ABCA2: variants seen among roughly 807,000 people sequenced by gnomAD.
ABCA2 encodes the protein ATP binding cassette subfamily A member 2, also known as ATP-binding cassette sub-family A member 2.
In ABCA2, 84 loss-of-function variants were observed where a neutral mutation model predicts 262.8. The ratio of observed to expected loss-of-function variants is 0.32; its 90% confidence interval spans 0.27 to 0.38. The LOEUF (loss-of-function observed/expected upper bound fraction) is 0.38. ABCA2 is among the 10% of genes least tolerant of loss of function. The pLI is 1.00. For missense variants in ABCA2, 2,662 were observed against 3,405.9 expected, an observed-to-expected ratio of 0.78 and a Z score of 5.44; for synonymous variants, 1,696 against 1,502.9, an observed-to-expected ratio of 1.13 and a Z score of -2.97.
In ABCA2 at chr9:137,010,058, G is replaced by T; in HGVS notation, c.6420C>A (p.Phe2140Leu). 1 of 1,601,286 alleles carries T rather than the reference G, an allele frequency of 6.2e-7. No individual in the cohort carries two copies. The change falls in exon 42 of 49, where the codon TTC (phenylalanine) becomes TTA (leucine). Residue 2140 changes from phenylalanine (F) to leucine (L), a missense_variant. This residue lies in a region of ABCA2 where 602 missense variants were observed against 897.4 expected (regional missense o/e 0.67). Transcript: ENST00000341511. The part of the protein sequence containing the change: ...LGYCPQCDAL[F>L]DELTAREHLQ... ...GGTGCTCCCGGGCCGTGAGCTCGTC[G>T]AACAGCGCGTCACACTGCGGGCAGT... is the stretch of plus-strand genomic sequence containing the variant.
intron 30 of ABCA2, 29 bp downstream of exon 30, chr9:137,012,973 C>A (rs1255105795): frequency 6.8e-7 from 1 of 1,479,200 alleles, no homozygotes; most frequent in Admixed American, 2.2e-5. Context: ...ACTGCCCCTG[C>A]CCCCCCAGCA....
intron 26 of ABCA2, 42 bp from the exon 27 acceptor site, chr9:137,014,446 G>A (rs1171365500): frequency 1.3e-6 from 2 of 1,535,752 alleles, no homozygotes; most frequent in Non-Finnish European, 1.8e-6. Context: ...AGGGCTACTG[G>A]CCCCTAGGCC....
In ABCA2 at chr9:137,014,372, C is replaced by G; in HGVS notation, c.4036G>C (p.Gly1346Arg). 1.3e-6 allele frequency: 2 copies of G among 1,596,032 alleles called. No homozygotes were observed. Among genetic ancestry groups the G allele is most frequent in the Non-Finnish European group, 1.7e-6 (2 of 1,171,916 alleles). ...VKESRKDVLP[G>R]AEGPASGEGH... ...TCCCCAGACGCCGGGCCCTCCGCCC[C>G]AGGGAGCACATCCTTCCTGGACTCC... The change falls in exon 27 of 49, where the codon GGG becomes CGG. Residue 1346 changes from glycine to arginine, a missense_variant. Transcript: ENST00000341511.
At chr9:137,022,038 G>GCTCAGATGGGGTGTGT in intron 6 of ABCA2, 37 bp from the exon 7 acceptor site, 1 of 1,400,832 alleles carries the variant, frequency 7.1e-7, no homozygotes, top group Non-Finnish European at 9.8e-7. Flanking sequence ...ATGGGGTGTG[G>GCTCAGATGGGGTGTGT]GGGGCGTGGC....
Position 137,008,446 on chromosome 9 carries a change from G to T in ABCA2, c.7245C>A (p.Asp2415Glu), listed in dbSNP as rs1279310964. The change falls in exon 48 of 49, where the codon GAC becomes GAA. Residue 2415 changes from aspartate (D) to glutamate (E), a missense_variant. Physicochemically the swap from Asp to Glu is conservative, Grantham distance 45. Coordinates refer to ENST00000341511, the MANE Select transcript of ABCA2 (RefSeq NM_001606.5). ...ADEPEDLDTE[D>E]EGLISFEEER... is the part of the protein sequence containing the mutation. ...CCTCCTCGAAGCTGATGAGGCCCTC[G>T]TCCTCCGTGTCCAGGTCCTCGGGCT... 1 of 1,555,180 alleles carries T rather than the reference G, an allele frequency of 6.4e-7. No individual in the cohort carries two copies. Among genetic ancestry groups the T allele is most frequent in the Non-Finnish European group, 8.7e-7 (1 of 1,149,894 alleles).
rs375045176 is a variant in ABCA2 at position 137,009,522 on chromosome 9, G to A, written c.6734+19C>T. On this transcript the variant is annotated intron_variant, in intron 44 of 48. Coordinates refer to ENST00000341511, the MANE Select transcript of ABCA2 (RefSeq NM_001606.5). The stretch of plus-strand genomic sequence containing the variant: ...TGCTGTGGGGTGGGGGCACAAAGAG[G>A]GGGTGGGGGCGCCCTCACCTGTGTG... 21 of 1,612,206 alleles carry A rather than the reference G, an allele frequency of 1.3e-5. No individual in the cohort carries two copies. Among genetic ancestry groups the A allele is most frequent in the Non-Finnish European group, 1.7e-5 (20 of 1,179,642 alleles).
chr9:137,027,031 C>T (rs899137285), intron 1 of ABCA2, among the ~76,000 whole-genome samples: 6 of 152,252 alleles, frequency 3.9e-5, no homozygotes, highest in African/African-American at 9.6e-5. Flanking sequence ...TCCTGCAGTG[C>T]ATGTTGAAAG....
chr9:137,014,063 C>A (rs1224392373), intron 27 of ABCA2, 25 bp from the exon 28 acceptor site: 3 of 1,604,974 alleles, frequency 1.9e-6, no homozygotes, highest in Non-Finnish European at 1.7e-6. Flanking sequence ...AGAGGCTGAG[C>A]AGGTGGTTGC....
intron 3 of ABCA2, 191 bp downstream of exon 3, chr9:137,023,647 G>C: frequency 1.5e-6 from 1 of 687,134 alleles, no homozygotes; most frequent in Non-Finnish European, 2.7e-6. Flanking sequence ...TAGGTGGCCG[G>C]GCCTTTCACT....
In ABCA2 at chr9:137,017,267, G is replaced by C; in HGVS notation, c.2482C>G (p.Pro828Ala). ...GGIIYFLSYV[P>A]YMYVAIREEV... ...TCTCGGATCGCCACGTACATGTAGG[G>C]CACGTAGCTCAGGAAGTAGATGATG... Residue 828 changes from proline to alanine, a missense_variant, in exon 18 of 49, where the codon CCC (proline) becomes GCC (alanine). This residue lies in a region of ABCA2 where 188 missense variants were observed against 343.4 expected (regional missense o/e 0.55). Transcript: ENST00000341511. The C allele has an allele frequency of 6.2e-7, 1 of 1,612,662 alleles. No individual in the cohort carries two copies. Among genetic ancestry groups the C allele is most frequent in the Non-Finnish European group, 8.5e-7 (1 of 1,179,912 alleles).
At position 137,021,277 on chromosome 9, in the gene ABCA2, C is replaced by T; in HGVS notation, c.897+115G>A. The T allele has an allele frequency of 1.5e-6, 2 of 1,373,628 alleles. No individual in the cohort carries two copies. The highest frequency in any genetic ancestry group is 2.2e-5 in the Admixed American group (1 of 45,920). The allele number at this position is 1,373,628 out of a possible 1,614,324, so 85.1% of individuals were successfully genotyped here. ...GTGCCATTGGATACCCACCCACAGG[C>T]AGCATCCCACGCACAGCCTGGGCCC... On this transcript the variant is annotated intron_variant, in intron 8 of 48. Transcript: ENST00000341511. The surrounding 1 kb of genome is among the most constrained non-coding windows in gnomAD (Gnocchi z 6.0).
Position 137,022,019 on chromosome 9 carries a change from A to ATGGCTCGGATGGGGGTG in ABCA2, c.568-19_568-18insCACCCCCATCCGAGCCA. Reference sequence around the variant, plus strand: ...TGGTAGACCTAGGAGGTGTGGGGGAATGGCTCAGATGGGGTGTGGGGGGCG... The same window carrying ATGGCTCGGATGGGGGTG: ...TGGTAGACCTAGGAGGTGTGGGGGAATGGCTCGGATGGGGGTGTGGCTCAGATGGGGTGTGGGGGGCG... On this transcript the variant is annotated intron_variant, in intron 6 of 48. Coordinates refer to ENST00000341511, the MANE Select transcript of ABCA2 (RefSeq NM_001606.5). 1 of 1,327,834 alleles carries ATGGCTCGGATGGGGGTG rather than the reference A, an allele frequency of 7.5e-7. No homozygotes were observed. Among genetic ancestry groups the ATGGCTCGGATGGGGGTG allele is most frequent in the Non-Finnish European group, 1.0e-6 (1 of 970,880 alleles). The allele number at this position is 1,327,834 out of a possible 1,614,324, so 82.3% of individuals were successfully genotyped here. A position where few individuals can be genotyped will look rare whatever the true frequency, so the allele number is the denominator to read the frequency against.
In ABCA2 at chr9:137,011,210, T is replaced by G; in HGVS notation, c.5899A>C (p.Ile1967Leu). ...CCAATCTTGGCGTAGTACTCGTTGA[T>G]GTACTCGTTGTAGGCCATCTCCATG... ...GLMEMAYNEY[I>L]NEYYAKIGQF... Residue 1967 changes from isoleucine to leucine, a missense_variant, in exon 38 of 49, where the codon ATC becomes CTC. By Grantham distance (5) the Ile-to-Leu change is conservative. Coordinates refer to ENST00000341511, the MANE Select transcript of ABCA2 (RefSeq NM_001606.5). This position sits in a 1 kb window ranked among gnomAD's most constrained non-coding sequence, Gnocchi z 8.8. The G allele has an allele frequency of 6.2e-7, 1 of 1,612,534 alleles. No homozygotes were observed. Among genetic ancestry groups the G allele is most frequent in the African/African-American group, 1.3e-5 (1 of 74,998 alleles).
chr9:137,021,648 GA>G lies in ABCA2; in HGVS notation c.679-39del, dbSNP rs759263839. 11 of 1,533,310 alleles carry G rather than the reference GA, an allele frequency of 7.2e-6. No homozygotes were observed. In the South Asian group the frequency reaches 1.3e-4, roughly 18 times the overall value. The allele number at this position is 1,533,310 out of a possible 1,614,324, so 95.0% of individuals were successfully genotyped here. A position where few individuals can be genotyped will look rare whatever the true frequency, so the allele number is the denominator to read the frequency against. Reference sequence around the variant, plus strand: ...CAGGGGTCCGTGGAGCCACGGCAAGGACTTTGTCCCCAACCACTAGGGCCTC... The same window carrying G: ...CAGGGGTCCGTGGAGCCACGGCAAGGCTTTGTCCCCAACCACTAGGGCCTC... On this transcript the variant is annotated intron_variant, in intron 7 of 48. Transcript: ENST00000341511. This position sits in a 1 kb window ranked among gnomAD's most constrained non-coding sequence, Gnocchi z 6.0.
rs1443741599 is a variant in ABCA2 at position 137,020,910 on chromosome 9, C to T, written c.1049G>A (p.Gly350Asp). 1.3e-6 allele frequency: 2 copies of T among 1,562,940 alleles called. No homozygotes were observed. Among genetic ancestry groups the T allele is most frequent in the Non-Finnish European group, 1.7e-6 (2 of 1,154,162 alleles). The part of the protein sequence containing the change: ...LSALALLLPQ[G>D]ACTGRTPGPP... Reference sequence around the variant, plus strand: ...TCCGGGGGTCCGGCCAGTGCAGGCACCCTGGGGCAGTAGCAGGGCCAGGGC... The same window carrying T: ...TCCGGGGGTCCGGCCAGTGCAGGCATCCTGGGGCAGTAGCAGGGCCAGGGC... The change falls in exon 9 of 49, where the codon GGT becomes GAT. Residue 350 changes from glycine to aspartate, a missense_variant. Gly to Asp is a moderately conservative substitution (Grantham distance 94). Coordinates refer to ENST00000341511, the MANE Select transcript of ABCA2 (RefSeq NM_001606.5).
chr9:137,028,796 C>A, upstream of ABCA2: 1 of 1,303,340 alleles, frequency 7.7e-7, no homozygotes, highest in Non-Finnish European at 1.0e-6. The surrounding 1 kb of genome is among the most constrained non-coding windows in gnomAD (Gnocchi z 6.9). Context: ...CTCGAGGCCC[C>A]AGGAACGCTC....
chr9:137,028,793 C>T (rs1413709462), upstream of ABCA2: 3 of 1,302,482 alleles, frequency 2.3e-6, no homozygotes, highest in South Asian at 1.3e-5. This position sits in a 1 kb window ranked among gnomAD's most constrained non-coding sequence, Gnocchi z 6.9. Flanking sequence ...AAACTCGAGG[C>T]CCCAGGAACG....
At position 137,021,465 on chromosome 9, in the gene ABCA2, G is replaced by C. The variant is rs1238610607; in HGVS notation, c.824C>G (p.Ala275Gly). 6.2e-7 allele frequency: 1 copy of C among 1,611,910 alleles called. No homozygotes were observed. The highest frequency in any genetic ancestry group is 1.3e-5 in the African/African-American group (1 of 75,030). Residue 275 changes from alanine (A) to glycine (G), a missense_variant, in exon 8 of 49, where the codon GCG (alanine) becomes GGG (glycine). This residue lies in a region of ABCA2 where 403 missense variants were observed against 375.9 expected (regional missense o/e 1.07). Transcript: ENST00000341511. The surrounding 1 kb of genome is among the most constrained non-coding windows in gnomAD (Gnocchi z 6.0). ...RDAVCSGQAA[A>G]RARRFSGLSA... ...CAGCCCAGAGAAGCGCCTGGCACGC[G>C]CAGCAGCCTGCCCACTGCAGACAGC...
rs1243495360 is a variant in ABCA2 at position 137,017,041 on chromosome 9, G to A, written c.2637C>T (p.His879=). 8 of 1,612,830 alleles carry A rather than the reference G, an allele frequency of 5.0e-6. No homozygotes were observed. In the South Asian group the frequency reaches 5.5e-5, roughly 11 times the overall value. ...YEVAGVGIQW[H]TFSQSPVEGD... is the part of the protein sequence containing the mutation. The stretch of plus-strand genomic sequence containing the variant: ...CCTCCACCGGGGACTGGCTGAAGGT[G>A]TGCCACTGGATGCCCACGCCGGCCA... The change falls in exon 19 of 49, where the codon CAC becomes CAT. Residue 879 remains histidine (H), a synonymous_variant. Coordinates refer to ENST00000341511, the MANE Select transcript of ABCA2 (RefSeq NM_001606.5).
Sources: allele counts gnomAD v4.1 joint callset (sites outside exome capture counted in the v4.1 genomes callset), GRCh38; gene constraint gnomAD v4.1.1; regional missense constraint gnomAD v4.1.1; non-coding constraint Gnocchi (gnomAD v3.1); transcripts MANE v1.5; gene names NCBI Gene and HGNC (gene_info 2026-07-23, HGNC 2026-07-21).